B3GALT1: variants seen among roughly 807,000 people sequenced by gnomAD.
B3GALT1 encodes the protein beta-1,3-galactosyltransferase 1.
Under a neutral mutation model 23.2 loss-of-function variants are expected in B3GALT1, and 10 were observed. The observed-to-expected ratio is 0.43, with a 90% confidence interval of 0.27 to 0.73. The LOEUF (loss-of-function observed/expected upper bound fraction) is 0.73, where lower values mean the gene tolerates loss of function less well. Among genes scored for constraint, B3GALT1 ranks in the 30% least tolerant of loss-of-function variants. The probability of loss-of-function intolerance (pLI) is 0.21; values close to 1 mark genes in which losing one functional copy is unlikely to be tolerated. For missense variants in B3GALT1, 299 were observed against 405.4 expected, an observed-to-expected ratio of 0.74 and a Z score of 2.25; for synonymous variants, 156 against 141.5, an observed-to-expected ratio of 1.10 and a Z score of -0.73.
intron 2 of B3GALT1, among the ~76,000 whole-genome samples, chr2:167,523,589 C>G (rs894116457): frequency 2.0e-5 from 3 of 152,060 alleles, no homozygotes; most frequent in African/African-American, 4.8e-5. Flanking sequence ...CCATGCCCAG[C>G]TAATTTTGTA....
chr2:167,392,541 A>G (rs1698029783), intron 1 of B3GALT1, among the ~76,000 whole-genome samples: 1 of 152,266 alleles, frequency 6.6e-6, no homozygotes, highest in African/African-American at 2.4e-5. Flanking sequence ...GAGTTAAGAG[A>G]ATTATTATCG....
At chr2:167,710,904 C>T (rs1687037383) in intron 3 of B3GALT1, among the ~76,000 whole-genome samples, 1 of 152,122 alleles carries the variant, frequency 6.6e-6, no homozygotes, top group Non-Finnish European at 1.5e-5. Context: ...TATCTTGTCT[C>T]CCTAATGGCA....
intron 1 of B3GALT1, among the ~76,000 whole-genome samples, chr2:167,326,567 A>G (rs1696899454): frequency 6.6e-6 from 1 of 152,000 alleles, no homozygotes; most frequent in South Asian, 2.1e-4. Flanking sequence ...TAGTCTTGAG[A>G]CTTATGTTTC....
chr2:167,571,478 G>A (rs1684291962), intron 2 of B3GALT1, among the ~76,000 whole-genome samples: 1 of 151,886 alleles, frequency 6.6e-6, no homozygotes, highest in African/African-American at 2.4e-5. Flanking sequence ...TCGAAGGGCA[G>A]CATGTAGACA....
At chr2:167,651,048 C>T (rs1336674934) in intron 3 of B3GALT1, among the ~76,000 whole-genome samples, 2 of 151,258 alleles carry the variant, frequency 1.3e-5, no homozygotes, top group Admixed American at 6.6e-5. Flanking sequence ...TTTTCTAAAC[C>T]TGTTTTTTTC....
At position 167,657,186 on chromosome 2, in the gene B3GALT1, A is replaced by G. The variant is rs563118327; in HGVS notation, c.-352+10220A>G. 1.0e-3 allele frequency among the ~76,000 whole-genome samples: 153 copies of G among 152,264 alleles called. 1 individual carries two copies. The highest frequency in any genetic ancestry group is 1.3e-3 in the Non-Finnish European group (88 of 68,000). ...TTCAAGATACCCAGGGGATATTCAA[A>G]TGGAGATGTCTGGTGGACAGTTGAG... On this transcript the variant is annotated intron_variant, in intron 3 of 4. Transcript: ENST00000392690.
chr2:167,431,512 T>C (rs1404567249), intron 1 of B3GALT1, among the ~76,000 whole-genome samples: 1 of 152,218 alleles, frequency 6.6e-6, no homozygotes, highest in East Asian at 1.9e-4. Context: ...GTTGGAAAAA[T>C]ATCTCCCCCA....
intron 4 of B3GALT1, among the ~76,000 whole-genome samples, chr2:167,839,163 G>T (rs1234261811): frequency 6.6e-6 from 1 of 152,128 alleles, no homozygotes; most frequent in Admixed American, 6.5e-5. Context: ...ACATAGTGTT[G>T]GAAGTTCTGG....
intron 2 of B3GALT1, among the ~76,000 whole-genome samples, chr2:167,522,348 C>G (rs1377114706): frequency 1.3e-5 from 2 of 152,100 alleles, no homozygotes; most frequent in Non-Finnish European, 2.9e-5. Context: ...CTTCTCCCAG[C>G]TTTGTTCTTT....
chr2:167,488,365 T>C (rs1466577566), intron 1 of B3GALT1, among the ~76,000 whole-genome samples: 1 of 152,240 alleles, frequency 6.6e-6, no homozygotes, highest in Non-Finnish European at 1.5e-5. Context: ...CAGACTCTAA[T>C]GTCTGTGAGA....
intron 2 of B3GALT1, among the ~76,000 whole-genome samples, chr2:167,603,919 C>T (rs1055474505): frequency 7.0e-6 from 1 of 143,346 alleles, no homozygotes; most frequent in Admixed American, 7.0e-5. Flanking sequence ...TCACATAGAA[C>T]AAAAACGACT....
At chr2:167,301,661 C>T (rs2204279) in intron 1 of B3GALT1, among the ~76,000 whole-genome samples, 115,985 of 152,110 alleles carry the variant, frequency 0.76, 45,263 homozygotes, top group Non-Finnish European at 0.86. Context: ...AGCGATTCTC[C>T]TGCCTCAGCC....
intron 3 of B3GALT1, among the ~76,000 whole-genome samples, chr2:167,773,972 A>C (rs900959429): frequency 1.3e-5 from 2 of 152,224 alleles, no homozygotes; most frequent in Admixed American, 1.3e-4. Flanking sequence ...AGTTATTCTA[A>C]ATGCTCAATT....
At chr2:167,394,677 A>G (rs368309364) in intron 1 of B3GALT1, among the ~76,000 whole-genome samples, 3 of 152,080 alleles carry the variant, frequency 2.0e-5, no homozygotes, top group African/African-American at 4.8e-5. Flanking sequence ...TTTTCTCTCC[A>G]TCCCTGAGGC....
At chr2:167,413,703 T>C (rs188348996) in intron 1 of B3GALT1, among the ~76,000 whole-genome samples, 2 of 152,104 alleles carry the variant, frequency 1.3e-5, no homozygotes, top group African/African-American at 2.4e-5. Flanking sequence ...ACCTGATATA[T>C]CCTTTTTCAT....
At chr2:167,447,261 A>C (rs1045857608) in intron 1 of B3GALT1, among the ~76,000 whole-genome samples, 5 of 152,190 alleles carry the variant, frequency 3.3e-5, no homozygotes, top group African/African-American at 1.2e-4. Flanking sequence ...GTGAGGTGTC[A>C]GTCGGCCCCT....
chr2:167,424,404 C>T (rs1283262126), intron 1 of B3GALT1, among the ~76,000 whole-genome samples: 1 of 152,146 alleles, frequency 6.6e-6, no homozygotes, highest in South Asian at 2.1e-4. Context: ...GCATAATATA[C>T]AAGGAAGCAC....
chr2:167,621,370 G>C (rs1240467791), intron 2 of B3GALT1, among the ~76,000 whole-genome samples: 1 of 152,036 alleles, frequency 6.6e-6, no homozygotes, highest in African/African-American at 2.4e-5. Context: ...ACAGGCGTGA[G>C]CCACCTTGCC....
chr2:167,436,447 C>T (rs1698788321), intron 1 of B3GALT1, among the ~76,000 whole-genome samples: 1 of 152,166 alleles, frequency 6.6e-6, no homozygotes, highest in Non-Finnish European at 1.5e-5. Context: ...CTTCCTTAGA[C>T]AACCAACCAA....
Sources: allele counts gnomAD v4.1 joint callset (sites outside exome capture counted in the v4.1 genomes callset), GRCh38; gene constraint gnomAD v4.1.1; transcripts MANE v1.5; gene names NCBI Gene and HGNC (gene_info 2026-07-23, HGNC 2026-07-21).